Variants in KDM5A observed in about 807,000 individuals in gnomAD.
KDM5A encodes the protein lysine-specific demethylase 5A.
KDM5A carries 42 observed loss-of-function variants against 193.5 expected under a neutral mutation model. The observed-to-expected ratio is 0.22, with a 90% CI of 0.17 to 0.28. The LOEUF (loss-of-function observed/expected upper bound fraction) is 0.28. KDM5A is among the 10% of genes least tolerant of loss of function. The pLI is 1.00. For synonymous variants in KDM5A, 796 were observed against 718.1 expected, an observed-to-expected ratio of 1.11 and a Z score of -1.73; for missense variants, 1,692 against 2,055.1, an observed-to-expected ratio of 0.82 and a Z score of 3.42.
At position 307,178 on chromosome 12, in the gene KDM5A, G is replaced by C; in HGVS notation, c.3931-89C>G. ...GTGCTTAAGATCACCAAAATGTAAT[G>C]AATAAGCAAAGTGGCTAACAGAGTT... On this transcript the variant is annotated intron_variant, in intron 23 of 27. Coordinates refer to ENST00000399788, the MANE Select transcript of KDM5A (RefSeq NM_001042603.3). This position sits in a 1 kb window ranked among gnomAD's most constrained non-coding sequence, Gnocchi z 4.3. 3.4e-6 allele frequency: 5 copies of C among 1,480,672 alleles called. No homozygotes were observed. The highest frequency in any genetic ancestry group is 3.8e-6 in the Non-Finnish European group (4 of 1,065,148). 91.7% of individuals were successfully genotyped at this position (1,480,672 alleles called of 1,614,324 possible).
At chr12:323,249 A>AAT in intron 15 of KDM5A, 43 bp from the exon 16 acceptor site, 2 of 1,496,934 alleles carry the variant, frequency 1.3e-6, no homozygotes, top group South Asian at 1.3e-5. Flanking sequence ...AGAAAACAGA[A>AAT]ATAAAAACCT....
At chr12:324,582 G>A (rs1433563585) in intron 14 of KDM5A, among the ~76,000 whole-genome samples, 2 of 152,086 alleles carry the variant, frequency 1.3e-5, no homozygotes, top group Admixed American at 6.6e-5. Context: ...TGCCAAGAAC[G>A]TAAGAGCAGG....
chr12:320,371 C>G (rs1943702296), intron 18 of KDM5A, among the ~76,000 whole-genome samples: 1 of 152,116 alleles, frequency 6.6e-6, no homozygotes, highest in Non-Finnish European at 1.5e-5. Flanking sequence ...TGGCCCATTC[C>G]TCCAATCCCA....
At chr12:315,557 A>G (rs1034180892) in intron 19 of KDM5A, among the ~76,000 whole-genome samples, 7 of 152,190 alleles carry the variant, frequency 4.6e-5, no homozygotes, top group African/African-American at 1.7e-4. Context: ...AGCCTGGGCA[A>G]CAAAGCAAAT....
intron 20 of KDM5A, among the ~76,000 whole-genome samples, chr12:312,365 G>A (rs1053755911): frequency 2.0e-5 from 3 of 152,028 alleles, no homozygotes; most frequent in African/African-American, 4.8e-5. Flanking sequence ...TAGAATAGTA[G>A]CAAGAGTACT....
At position 389,136 on chromosome 12, in the gene KDM5A, G is replaced by A. The variant is rs552399890; in HGVS notation, c.-45C>T. 3 of 1,578,026 alleles carry A rather than the reference G, an allele frequency of 1.9e-6. No homozygotes were observed. Among genetic ancestry groups the A allele is most frequent in the Non-Finnish European group, 2.6e-6 (3 of 1,149,626 alleles). On this transcript the variant is annotated 5_prime_UTR_variant, in exon 1 of 28. Transcript: ENST00000399788. ...GGGGGGTCCCCGTGGGGAACCGGTG[G>A]AGAAAAGCTGGCTGAAGCCCACTAA...
At chr12:323,579 T>C in intron 15 of KDM5A, 21 bp downstream of exon 15, 1 of 1,610,576 alleles carries the variant, frequency 6.2e-7, no homozygotes, top group Non-Finnish European at 8.5e-7. Flanking sequence ...AATGGAAGTT[T>C]TACAAAATAC....
chr12:342,470 T>C (rs1038210219), intron 10 of KDM5A, among the ~76,000 whole-genome samples: 6 of 152,038 alleles, frequency 3.9e-5, no homozygotes, highest in Admixed American at 6.6e-5. Flanking sequence ...GTTTTTTTTT[T>C]CCTCTTGGAG....
At chr12:382,346 A>T (rs1944584760) in intron 3 of KDM5A, among the ~76,000 whole-genome samples, 1 of 151,732 alleles carries the variant, frequency 6.6e-6, no homozygotes, top group African/African-American at 2.4e-5. Context: ...CAGGAGAATC[A>T]CTTGAACCCG....
At chr12:357,419 T>C (rs892329659) in intron 5 of KDM5A, among the ~76,000 whole-genome samples, 3 of 151,318 alleles carry the variant, frequency 2.0e-5, no homozygotes, top group Non-Finnish European at 4.4e-5. Flanking sequence ...GAAGATCACT[T>C]GAAGCCCTGG....
At chr12:376,581 A>C (rs76548944) in intron 3 of KDM5A, among the ~76,000 whole-genome samples, 2 of 152,138 alleles carry the variant, frequency 1.3e-5, no homozygotes, top group African/African-American at 4.8e-5. Context: ...GGCTGCAGCC[A>C]CTGTCCTGCA....
At chr12:357,693 T>C (rs898743774) in intron 5 of KDM5A, among the ~76,000 whole-genome samples, 2 of 151,368 alleles carry the variant, frequency 1.3e-5, no homozygotes, top group African/African-American at 4.9e-5. Context: ...CCAGGCATGG[T>C]GGCGCACGCC....
rs1426370895 is a variant in KDM5A at position 359,224 on chromosome 12, A to C, written c.673-2687T>G. On this transcript the variant is annotated intron_variant, in intron 5 of 27. Transcript: ENST00000399788. ...AAATATCAAGTCATCACTTTTTAAA[A>C]ATTTATTTTCTAGCCCTGACCATTT... 2.6e-5 allele frequency among the ~76,000 whole-genome samples: 4 copies of C among 152,270 alleles called. No homozygotes were observed. In the East Asian group the frequency reaches 7.7e-4, roughly 29 times the overall value.
chr12:317,911 G>C lies in KDM5A; in HGVS notation c.2897+195C>G, dbSNP rs4980878. On this transcript the variant is annotated intron_variant, in intron 19 of 27. Transcript: ENST00000399788. ...AAGCAGGGAGAGAGGAGAATCTCCCGGTTTCCTTCAGGCCCTGGATCATCA... is the reference window on the plus strand; with the variant it reads ...AAGCAGGGAGAGAGGAGAATCTCCCCGTTTCCTTCAGGCCCTGGATCATCA... Among the ~76,000 whole-genome samples the C allele has an allele frequency of 2.4e-3, 364 of 152,040 alleles. 1 individual carries two copies. Among genetic ancestry groups the C allele is most frequent in the Middle Eastern group, 6.8e-3 (2 of 294 alleles).
Position 295,704 on chromosome 12 carries a change from T to C in KDM5A, c.4324A>G (p.Lys1442Glu). ...PPVLELSPGA[K>E]AQLEELMMVG... The stretch of plus-strand genomic sequence containing the variant: ...ATCATAAGTTCTTCCAGTTGTGCCT[T>C]AGCTCCAGGTGACAACTCCAGCACT... The change falls in exon 26 of 28, where the codon AAG becomes GAG. Residue 1442 changes from lysine (K) to glutamate (E), a missense_variant. By Grantham distance (56) the Lys-to-Glu change is moderately conservative. Coordinates refer to ENST00000399788, the MANE Select transcript of KDM5A (RefSeq NM_001042603.3). The C allele has an allele frequency of 2.5e-6, 4 of 1,614,108 alleles. No homozygotes were observed. Among genetic ancestry groups the C allele is most frequent in the African/African-American group, 1.3e-5 (1 of 75,024 alleles).
chr12:337,555 G>C (rs1217724552), intron 10 of KDM5A, among the ~76,000 whole-genome samples: 5 of 151,908 alleles, frequency 3.3e-5, no homozygotes, highest in Non-Finnish European at 4.4e-5. Context: ...GTTTTGGACT[G>C]AGAATCTGAG....
intron 26 of KDM5A, among the ~76,000 whole-genome samples, chr12:295,176 A>G (rs1364111549): frequency 6.6e-6 from 1 of 151,668 alleles, no homozygotes; most frequent in Non-Finnish European, 1.5e-5. Flanking sequence ...TTCAACTTAG[A>G]TACTACCTAA....
intron 13 of KDM5A, 116 bp downstream of exon 13, chr12:331,703 A>C: frequency 9.3e-7 from 1 of 1,077,854 alleles, no homozygotes. Context: ...TCCAGTCTCC[A>C]CTAAAATACT....
chr12:341,726 C>T (rs1275123758), intron 10 of KDM5A, among the ~76,000 whole-genome samples: 1 of 151,996 alleles, frequency 6.6e-6, no homozygotes, highest in Admixed American at 6.6e-5. Flanking sequence ...ATGGTGAAAC[C>T]TCATCTCTGC....
Sources: allele counts gnomAD v4.1 joint callset (sites outside exome capture counted in the v4.1 genomes callset), GRCh38; gene constraint gnomAD v4.1.1; non-coding constraint Gnocchi (gnomAD v3.1); transcripts MANE v1.5; gene names NCBI Gene and HGNC (gene_info 2026-07-23, HGNC 2026-07-21).